Variants in THSD7B observed in about 807,000 individuals in gnomAD.
THSD7B encodes thrombospondin type-1 domain-containing protein 7B.
In THSD7B, 138 loss-of-function variants were observed where a neutral mutation model predicts 213.6. The ratio of observed to expected loss-of-function variants is 0.65; its 90% CI spans 0.56 to 0.74. The LOEUF is 0.74. Among genes scored for constraint, THSD7B ranks in the 30% least tolerant of loss-of-function variants. The probability of loss-of-function intolerance (pLI) is 0.00; values close to 1 mark genes in which losing one functional copy is unlikely to be tolerated. For missense variants in THSD7B, 1,931 were observed against 1,991.5 expected (o/e 0.97, Z 0.58); for synonymous variants, 742 against 687.0 (o/e 1.08, Z -1.25).
At chr2:137,491,161 C>T (rs1688598182) in intron 15 of THSD7B, among the ~76,000 whole-genome samples, 1 of 152,148 alleles carries the variant, frequency 6.6e-6, no homozygotes, top group African/African-American at 2.4e-5. Flanking sequence ...CTTAACCAAA[C>T]AAAGATTGGC....
At chr2:137,228,267 G>A (rs926331433) in intron 7 of THSD7B, among the ~76,000 whole-genome samples, 5 of 151,728 alleles carry the variant, frequency 3.3e-5, no homozygotes, top group Non-Finnish European at 7.4e-5. Context: ...GAATTAGCCT[G>A]TATAGCCAAA....
chr2:136,860,289 C>A (rs1683240287), intron 1 of THSD7B, among the ~76,000 whole-genome samples: 1 of 152,076 alleles, frequency 6.6e-6, no homozygotes, highest in Admixed American at 6.6e-5. Flanking sequence ...TCTTCTCTAT[C>A]CATTCTCACA....
intron 14 of THSD7B, among the ~76,000 whole-genome samples, chr2:137,436,205 T>C (rs1433086931): frequency 6.6e-6 from 1 of 152,136 alleles, no homozygotes; most frequent in East Asian, 1.9e-4. Context: ...GATATACATA[T>C]TCATCTTGTT....
intron 1 of THSD7B, among the ~76,000 whole-genome samples, chr2:136,799,595 A>G (rs1409928668): frequency 6.6e-6 from 1 of 152,010 alleles, no homozygotes; most frequent in African/African-American, 2.4e-5. Context: ...TATAATTGCA[A>G]AGAATGTTTG....
chr2:137,411,070 T>C (rs1686640982), intron 13 of THSD7B, among the ~76,000 whole-genome samples: 2 of 152,264 alleles, frequency 1.3e-5, no homozygotes. Flanking sequence ...GAGCTTTTTC[T>C]CTGATTAAAT....
intron 2 of THSD7B, among the ~76,000 whole-genome samples, chr2:136,934,528 T>C (rs1258544932): frequency 6.6e-6 from 1 of 152,192 alleles, no homozygotes; most frequent in East Asian, 1.9e-4. Flanking sequence ...AAACAAATTA[T>C]TGGCAAATGA....
chr2:137,051,889 C>T (rs1388983695), intron 2 of THSD7B, among the ~76,000 whole-genome samples: 1 of 152,108 alleles, frequency 6.6e-6, no homozygotes, highest in Non-Finnish European at 1.5e-5. Context: ...ACCTAAAATT[C>T]AGGCATCCAG....
At chr2:137,075,222 C>A (rs1301912293) in intron 3 of THSD7B, among the ~76,000 whole-genome samples, 1 of 152,210 alleles carries the variant, frequency 6.6e-6, no homozygotes, top group Non-Finnish European at 1.5e-5. Context: ...TTCAGGTACA[C>A]CAGTCAAATG....
intron 2 of THSD7B, among the ~76,000 whole-genome samples, chr2:137,031,850 C>A (rs1573777609): frequency 8.3e-6 from 1 of 120,744 alleles, no homozygotes; most frequent in Admixed American, 8.8e-5. Flanking sequence ...TTTTTTTTAG[C>A]TGGGGGTAGG....
chr2:137,141,621 T>C (rs1204574835), intron 5 of THSD7B, among the ~76,000 whole-genome samples: 1 of 151,996 alleles, frequency 6.6e-6, no homozygotes, highest in East Asian at 1.9e-4. Flanking sequence ...TGCAAGATGT[T>C]ACCATGGGGG....
chr2:136,921,076 G>A (rs1684429984), intron 2 of THSD7B, among the ~76,000 whole-genome samples: 2 of 152,006 alleles, frequency 1.3e-5, no homozygotes, highest in South Asian at 4.2e-4. Flanking sequence ...CTGCCAACTT[G>A]GTAGAAGGCG....
chr2:137,224,831 C>A (rs375334850), intron 7 of THSD7B, among the ~76,000 whole-genome samples: 1 of 130,314 alleles, frequency 7.7e-6, no homozygotes, highest in Non-Finnish European at 1.7e-5. Context: ...ACTTTGTATA[C>A]CCAGTTAGGC....
intron 5 of THSD7B, among the ~76,000 whole-genome samples, chr2:137,119,309 C>A (rs1013244453): frequency 6.6e-6 from 1 of 152,194 alleles, no homozygotes; most frequent in Non-Finnish European, 1.5e-5. Flanking sequence ...ATGAGTTAGT[C>A]TATGCACTAA....
intron 4 of THSD7B, among the ~76,000 whole-genome samples, chr2:137,102,725 G>T (rs1228158955): frequency 6.6e-6 from 1 of 152,110 alleles, no homozygotes; most frequent in Admixed American, 6.5e-5. Context: ...CACAGCATGA[G>T]AACTTCATGA....
intron 3 of THSD7B, among the ~76,000 whole-genome samples, chr2:137,071,186 A>AG (rs2104891680): frequency 6.6e-6 from 1 of 152,294 alleles, no homozygotes; most frequent in South Asian, 2.1e-4. Context: ...GCAACAGTGT[A>AG]AAAGTATTCC....
chr2:137,556,171 A>G (rs1466589488), intron 15 of THSD7B, among the ~76,000 whole-genome samples: 1 of 152,204 alleles, frequency 6.6e-6, no homozygotes, highest in Non-Finnish European at 1.5e-5. Flanking sequence ...GCCAACATTC[A>G]AATTCAGGAA....
At chr2:137,646,487 CAA>C (rs35479231) in intron 21 of THSD7B, among the ~76,000 whole-genome samples, 3 of 93,736 alleles carry the variant, frequency 3.2e-5, no homozygotes, top group Non-Finnish European at 2.1e-5. Context: ...ACTACAAATA[CAA>C]AAAAAAAAAA....
chr2:137,533,249 C>T (rs568139936), intron 15 of THSD7B, among the ~76,000 whole-genome samples: 12 of 151,768 alleles, frequency 7.9e-5, no homozygotes, highest in African/African-American at 2.9e-4. Flanking sequence ...AGAAATGTTC[C>T]AGTTCTCTAT....
intron 12 of THSD7B, among the ~76,000 whole-genome samples, chr2:137,328,388 A>G (rs1684419936): frequency 1.3e-5 from 2 of 152,234 alleles, no homozygotes; most frequent in Admixed American, 6.5e-5. Flanking sequence ...TTCATAGAGA[A>G]CACTTTTGAA....
Sources: gnomAD v4.1 joint callset for allele counts (sites outside exome capture counted in the v4.1 genomes callset) on GRCh38, gnomAD v4.1.1 for gene constraint, MANE v1.5 for transcripts, NCBI Gene and HGNC (gene_info 2026-07-23, HGNC 2026-07-21) for gene names.